Variants in CHRM2 observed in about 807,000 individuals in gnomAD.
CHRM2 encodes the protein muscarinic acetylcholine receptor M2.
In CHRM2, 8 loss-of-function variants were observed where a neutral mutation model predicts 25.0. That is an observed-to-expected ratio of 0.32 (90% CI 0.19 to 0.58). CHRM2 has a LOEUF of 0.58. CHRM2 is among the 20% of genes least tolerant of loss of function. The pLI, the probability that CHRM2 is intolerant of heterozygous loss-of-function variation, is 0.88. For missense variants in CHRM2, 440 were observed against 567.1 expected (o/e 0.78, Z 2.28); for synonymous variants, 202 against 205.7 (o/e 0.98, Z 0.15).
chr7:136,874,041 A>C (rs191694706), intron 2 of CHRM2, among the ~76,000 whole-genome samples: 2 of 152,234 alleles, frequency 1.3e-5, no homozygotes, highest in African/African-American at 2.4e-5. Context: ...CATGATAGGA[A>C]GCAGATCAAG....
At chr7:136,963,926 T>C (rs1294563887) in intron 2 of CHRM2, among the ~76,000 whole-genome samples, 1 of 152,232 alleles carries the variant, frequency 6.6e-6, no homozygotes, top group Non-Finnish European at 1.5e-5. Context: ...CCTTGTCTTT[T>C]GGTGGCACTG....
intron 2 of CHRM2, among the ~76,000 whole-genome samples, chr7:136,906,041 T>C (rs1360509213): frequency 6.6e-6 from 1 of 151,330 alleles, no homozygotes; most frequent in East Asian, 1.9e-4. Context: ...AAATTACTAC[T>C]ATTTAAAAAA....
At chr7:136,940,646 G>A (rs115220114) in intron 2 of CHRM2, among the ~76,000 whole-genome samples, 1 of 152,254 alleles carries the variant, frequency 6.6e-6, no homozygotes, top group African/African-American at 2.4e-5. Context: ...AACAGACAAG[G>A]TAAGTAGGAT....
rs1805268900 is a variant in CHRM2 at position 137,018,032 on chromosome 7, C to A, written c.*1766C>A. 6.6e-6 allele frequency: 1 copy of A among 151,824 alleles called. No homozygotes were observed. The highest frequency in any genetic ancestry group is 2.4e-5 in the African/African-American group (1 of 41,388). 9.4% of individuals were successfully genotyped at this position (151,824 alleles called of 1,614,324 possible). A position where few individuals can be genotyped will look rare whatever the true frequency, so the allele number is the denominator to read the frequency against. ...AAATTATAAACGCATTTGCAAATTT[C>A]ATATTTTGGATTTTAGATTTATGAT... is the stretch of plus-strand genomic sequence containing the variant. On this transcript the variant is annotated 3_prime_UTR_variant, in exon 4 of 4. Transcript: ENST00000680005.
intron 2 of CHRM2, among the ~76,000 whole-genome samples, chr7:136,971,970 C>A (rs1801804057): frequency 6.6e-6 from 1 of 152,278 alleles, no homozygotes; most frequent in African/African-American, 2.4e-5. Flanking sequence ...ACTGAAATAA[C>A]TATTTGAAAA....
intron 2 of CHRM2, among the ~76,000 whole-genome samples, chr7:136,920,030 G>C (rs1013617400): frequency 2.0e-5 from 3 of 152,050 alleles, no homozygotes; most frequent in African/African-American, 7.2e-5. Context: ...ATGCAATGTA[G>C]TGAAGCTCCC....
intron 2 of CHRM2, chr7:136,902,662 T>A (rs982222634): frequency 1.2e-5 from 2 of 171,028 alleles, no homozygotes; most frequent in African/African-American, 4.8e-5. Flanking sequence ...CATAAACAGC[T>A]AGGCCCTTAG....
chr7:136,943,561 C>T (rs760116409), intron 2 of CHRM2, among the ~76,000 whole-genome samples: 11 of 152,022 alleles, frequency 7.2e-5, no homozygotes, highest in Non-Finnish European at 1.5e-4. Context: ...ATGCTTGTAA[C>T]GGTCGCCAAG....
rs1043697663 is a variant in CHRM2 at position 136,868,757 on chromosome 7, CACACACACACACACACAG to C, written c.-505_-488del. On this transcript the variant is annotated 5_prime_UTR_variant, in exon 1 of 4. Coordinates refer to ENST00000680005, the MANE Select transcript of CHRM2 (RefSeq NM_001006630.2). ...GGGAGCGCGCGCGGGCACACACACA[CACACACACACACACACAG>C]ACACACACACACTCACACACTCCAG... is the stretch of plus-strand genomic sequence containing the variant. The C allele has an allele frequency of 1.1e-4, 15 of 131,430 alleles. No individual in the cohort carries two copies. The highest frequency in any genetic ancestry group is 3.5e-4 in the African/African-American group (14 of 39,628). 8.1% of individuals were successfully genotyped at this position (131,430 alleles called of 1,614,324 possible).
chr7:136,941,683 G>C (rs184857161), intron 2 of CHRM2, among the ~76,000 whole-genome samples: 1 of 152,342 alleles, frequency 6.6e-6, no homozygotes, highest in Non-Finnish European at 1.5e-5. Flanking sequence ...GCAAAGTCTA[G>C]TGAAATGCCA....
chr7:136,944,473 A>G (rs984255702), intron 2 of CHRM2, among the ~76,000 whole-genome samples: 1 of 151,338 alleles, frequency 6.6e-6, no homozygotes, highest in Non-Finnish European at 1.5e-5. Flanking sequence ...GTATGTATGT[A>G]TGTGTGTGTG....
At chr7:136,918,568 G>GT (rs71784944) in intron 2 of CHRM2, among the ~76,000 whole-genome samples, 43,539 of 151,636 alleles carry the variant, frequency 0.29, 7,036 homozygotes, top group African/African-American at 0.42. Context: ...TGAAGTAACA[G>GT]TTTTTTAAAA....
At position 136,957,533 on chromosome 7, in the gene CHRM2, CA is replaced by C. The variant is rs564825289; in HGVS notation, c.-124-34653del. Among the ~76,000 whole-genome samples the C allele has an allele frequency of 1.5e-3, 232 of 152,150 alleles. 2 individuals carry two copies. Among genetic ancestry groups the C allele is most frequent in the African/African-American group, 4.7e-3 (195 of 41,504 alleles). On this transcript the variant is annotated intron_variant, in intron 2 of 3. Coordinates refer to ENST00000680005, the MANE Select transcript of CHRM2 (RefSeq NM_001006630.2). ...GACATCCATAAGATTATAAAAATAC[CA>C]GCTTATTCTTTTTGACTATTACTCA...
chr7:136,934,294 C>A (rs1799285509), intron 2 of CHRM2, among the ~76,000 whole-genome samples: 1 of 152,192 alleles, frequency 6.6e-6, no homozygotes, highest in Non-Finnish European at 1.5e-5. Flanking sequence ...TGTGGTAAGT[C>A]AGTCTCTTCC....
intron 3 of CHRM2, among the ~76,000 whole-genome samples, chr7:136,999,094 G>A (rs1435367341): frequency 6.6e-6 from 1 of 152,020 alleles, no homozygotes; most frequent in Non-Finnish European, 1.5e-5. Flanking sequence ...CATGAACACT[G>A]TTGCTAATTC....
At chr7:136,948,771 G>A (rs1800216451) in intron 2 of CHRM2, among the ~76,000 whole-genome samples, 1 of 152,062 alleles carries the variant, frequency 6.6e-6, no homozygotes, top group Non-Finnish European at 1.5e-5. Flanking sequence ...GCAGTCTCCT[G>A]TTGATAAAAA....
At chr7:136,971,736 TA>T (rs1283176380) in intron 2 of CHRM2, among the ~76,000 whole-genome samples, 1 of 152,070 alleles carries the variant, frequency 6.6e-6, no homozygotes, top group South Asian at 2.1e-4. Flanking sequence ...TAGATTTACT[TA>T]AAAAATAATA....
At chr7:137,013,215 G>T (rs1459040922) in intron 3 of CHRM2, among the ~76,000 whole-genome samples, 1 of 151,870 alleles carries the variant, frequency 6.6e-6, no homozygotes, top group Non-Finnish European at 1.5e-5. Context: ...AAAGGAATAT[G>T]CAACAGTTAC....
At chr7:136,875,126 C>CAT (rs1796001829) in intron 2 of CHRM2, among the ~76,000 whole-genome samples, 1 of 148,310 alleles carries the variant, frequency 6.7e-6, no homozygotes, top group Non-Finnish European at 1.5e-5. Context: ...CACATATATA[C>CAT]ATATATATAC....
Sources: allele counts gnomAD v4.1 joint callset (sites outside exome capture counted in the v4.1 genomes callset), GRCh38; gene constraint gnomAD v4.1.1; transcripts MANE v1.5; gene names NCBI Gene and HGNC (gene_info 2026-07-23, HGNC 2026-07-21).